THRB: variants seen among roughly 807,000 people sequenced by gnomAD.
The protein encoded by THRB is nuclear receptor subfamily 1 group A member 2.
In THRB, 12 loss-of-function variants were observed where a neutral mutation model predicts 47.8. The observed-to-expected ratio is 0.25, with a 90% CI of 0.16 to 0.41. The LOEUF is 0.41. Among genes scored for constraint, THRB ranks in the 10% least tolerant of loss-of-function variants. The probability of loss-of-function intolerance (pLI) is 1.00; values close to 1 mark genes in which losing one functional copy is unlikely to be tolerated. For synonymous variants in THRB, 218 were observed against 212.2 expected, an observed-to-expected ratio of 1.03 and a Z score of -0.24; for missense variants, 348 against 589.2, an observed-to-expected ratio of 0.59 and a Z score of 4.24.
chr3:24,275,069 C>T (rs191438866), intron 3 of THRB, among the ~76,000 whole-genome samples: 24 of 152,228 alleles, frequency 1.6e-4, no homozygotes, highest in African/African-American at 5.8e-4. Context: ...TCTTGATTTA[C>T]ACGGCAGCTT....
chr3:24,286,174 G>A (rs2055272263), intron 3 of THRB, among the ~76,000 whole-genome samples: 1 of 152,158 alleles, frequency 6.6e-6, no homozygotes. Context: ...CTCAAGAACT[G>A]TGAGAAACAA....
chr3:24,394,086 T>C (rs2066775339), intron 1 of THRB, among the ~76,000 whole-genome samples: 1 of 152,134 alleles, frequency 6.6e-6, no homozygotes, highest in African/African-American at 2.4e-5. Context: ...TCAAAGAAGT[T>C]AAACAATTCA....
intron 3 of THRB, among the ~76,000 whole-genome samples, chr3:24,258,028 G>C (rs1398416196): frequency 6.6e-6 from 1 of 152,192 alleles, no homozygotes; most frequent in Non-Finnish European, 1.5e-5. Context: ...GATCAAATTG[G>C]TGACATAAAT....
chr3:24,490,702 T>C (rs1442028373), intron 1 of THRB, among the ~76,000 whole-genome samples: 1 of 152,078 alleles, frequency 6.6e-6, no homozygotes, highest in African/African-American at 2.4e-5. Context: ...TGTCCTGTCC[T>C]CTCAAATTGC....
intron 5 of THRB, among the ~76,000 whole-genome samples, chr3:24,185,289 G>A (rs745929767): frequency 3.3e-5 from 5 of 152,186 alleles, no homozygotes; most frequent in Non-Finnish European, 7.3e-5. Flanking sequence ...TTAAAAGCTG[G>A]TTAAAATGGT....
intron 3 of THRB, among the ~76,000 whole-genome samples, chr3:24,238,802 T>C (rs1375114183): frequency 1.3e-5 from 2 of 152,158 alleles, no homozygotes; most frequent in Non-Finnish European, 2.9e-5. Flanking sequence ...CCCTTGAAGA[T>C]GAAAATAAAA....
intron 2 of THRB, among the ~76,000 whole-genome samples, chr3:24,333,530 G>T (rs917590301): frequency 1.3e-5 from 2 of 152,160 alleles, no homozygotes; most frequent in Non-Finnish European, 2.9e-5. Context: ...CTCTTACATT[G>T]TGTAATTTCA....
intron 3 of THRB, among the ~76,000 whole-genome samples, chr3:24,276,957 A>G (rs1363803892): frequency 1.3e-5 from 2 of 150,532 alleles, no homozygotes; most frequent in African/African-American, 2.5e-5. Flanking sequence ...TGCAAACTTC[A>G]AAATAAAAAA....
At chr3:24,136,679 T>C (rs2034722136) in intron 8 of THRB, among the ~76,000 whole-genome samples, 1 of 152,202 alleles carries the variant, frequency 6.6e-6, no homozygotes, top group Non-Finnish European at 1.5e-5. Context: ...TGATGATAAG[T>C]CTCTAGCTTG....
chr3:24,204,219 C>G (rs148479459), intron 4 of THRB, among the ~76,000 whole-genome samples: 1 of 152,222 alleles, frequency 6.6e-6, no homozygotes, highest in African/African-American at 2.4e-5. Flanking sequence ...AGTGGGTCCC[C>G]GACCCCTGAG....
chr3:24,147,013 G>A (rs1043371928), intron 6 of THRB, among the ~76,000 whole-genome samples, 191 bp from the exon 7 acceptor site: 3 of 152,106 alleles, frequency 2.0e-5, no homozygotes, highest in Non-Finnish European at 2.9e-5. Context: ...AATCTGAGCT[G>A]ATGATGCCAT....
chr3:24,192,406 C>A (rs1046647482), intron 4 of THRB, among the ~76,000 whole-genome samples: 1 of 152,130 alleles, frequency 6.6e-6, no homozygotes, highest in Non-Finnish European at 1.5e-5. Context: ...TTCAGATACT[C>A]TAAATCCTCA....
chr3:24,376,744 C>T (rs573692662), intron 1 of THRB, among the ~76,000 whole-genome samples: 1 of 152,242 alleles, frequency 6.6e-6, no homozygotes, highest in Non-Finnish European at 1.5e-5. Context: ...CCACTATTTC[C>T]AGCTGATCTG....
intron 1 of THRB, among the ~76,000 whole-genome samples, chr3:24,451,063 C>T (rs2072600922): frequency 6.6e-6 from 1 of 152,230 alleles, no homozygotes; most frequent in Middle Eastern, 3.4e-3. Context: ...GACCCACAGG[C>T]TCAAAACTCC....
At chr3:24,311,110 A>G (rs2057726675) in intron 2 of THRB, among the ~76,000 whole-genome samples, 1 of 152,166 alleles carries the variant, frequency 6.6e-6, no homozygotes, top group African/African-American at 2.4e-5. Context: ...TTACTCACCC[A>G]AAATGTAAAT....
chr3:24,189,773 C>G (rs1277111504), intron 5 of THRB, among the ~76,000 whole-genome samples: 1 of 152,144 alleles, frequency 6.6e-6, no homozygotes, highest in Admixed American at 6.6e-5. Context: ...TACTCAGACC[C>G]AAAAATGGAA....
intron 1 of THRB, among the ~76,000 whole-genome samples, chr3:24,417,134 A>ACG (rs1335685672): frequency 1.3e-4 from 12 of 90,496 alleles, no homozygotes; most frequent in African/African-American, 4.0e-4. Flanking sequence ...ACACACACAC[A>ACG]CACACGCGCA....
intron 1 of THRB, among the ~76,000 whole-genome samples, chr3:24,380,605 T>G (rs540777050): frequency 6.6e-6 from 1 of 152,328 alleles, no homozygotes; most frequent in Admixed American, 6.5e-5. Flanking sequence ...GAATATATCA[T>G]TCTATTCTTT....
intron 3 of THRB, among the ~76,000 whole-genome samples, chr3:24,252,865 G>C (rs959959344): frequency 3.9e-5 from 6 of 152,068 alleles, no homozygotes; most frequent in African/African-American, 1.4e-4. Context: ...GAATATAAAA[G>C]GGTATCCAAA....
Sources: allele counts gnomAD v4.1 joint callset (sites outside exome capture counted in the v4.1 genomes callset), GRCh38; gene constraint gnomAD v4.1.1; transcripts MANE v1.5; gene names NCBI Gene and HGNC (gene_info 2026-07-23, HGNC 2026-07-21).